PRKN: variants seen among roughly 807,000 people sequenced by gnomAD.
PRKN encodes the protein parkin RBR E3 ubiquitin protein ligase.
PRKN carries 56 observed loss-of-function variants against 59.5 expected under a neutral mutation model. The ratio of observed to expected loss-of-function variants is 0.94; its 90% CI spans 0.76 to 1.18. The LOEUF is 1.18. PRKN is among the 50% of genes most tolerant of loss of function. PRKN has a pLI of 0.00. For synonymous variants in PRKN, 250 were observed against 222.1 expected, an observed-to-expected ratio of 1.13 and a Z score of -1.12; for missense variants, 657 against 596.4, an observed-to-expected ratio of 1.10 and a Z score of -1.06.
chr6:161,433,625 A>C (rs1788749942), intron 9 of PRKN, among the ~76,000 whole-genome samples: 1 of 152,188 alleles, frequency 6.6e-6, no homozygotes, highest in Admixed American at 6.5e-5. Context: ...AGAAGAGCCC[A>C]TTCATGTGTT....
chr6:162,287,882 G>C (rs1441898573), intron 2 of PRKN, among the ~76,000 whole-genome samples: 1 of 152,074 alleles, frequency 6.6e-6, no homozygotes, highest in Non-Finnish European at 1.5e-5. Context: ...CATTTCAAAG[G>C]CTGGTCACAC....
intron 7 of PRKN, among the ~76,000 whole-genome samples, chr6:161,700,434 C>A (rs999419388): frequency 2.0e-5 from 3 of 152,122 alleles, no homozygotes; most frequent in African/African-American, 7.2e-5. Context: ...ATCAGCACTT[C>A]TCCACTCAAT....
At position 161,569,280 on chromosome 6, in the gene PRKN, C is replaced by T. The variant is rs902832228; in HGVS notation, c.933+75G>A. The T allele has an allele frequency of 4.0e-5, 55 of 1,384,362 alleles. No individual in the cohort carries two copies. In the African/African-American group the frequency reaches 7.8e-4, roughly 20 times the overall value. The allele number at this position is 1,384,362 out of a possible 1,614,324, so 85.8% of individuals were successfully genotyped here. A position where few individuals can be genotyped will look rare whatever the true frequency, so the allele number is the denominator to read the frequency against. On this transcript the variant is annotated intron_variant, in intron 8 of 11. Coordinates refer to ENST00000366898, the MANE Select transcript of PRKN (RefSeq NM_004562.3). ...GGGTCAGGAGACATACTCGGCCTCC[C>T]TGGGGAGCCCAAACTGTCTCATTAG...
chr6:162,631,382 C>G (rs1783101571), intron 1 of PRKN, among the ~76,000 whole-genome samples: 1 of 152,160 alleles, frequency 6.6e-6, no homozygotes, highest in East Asian at 1.9e-4. Flanking sequence ...AACTGCAATA[C>G]TAACTCTGCG....
intron 4 of PRKN, among the ~76,000 whole-genome samples, chr6:162,180,693 G>A (rs923904964): frequency 6.6e-6 from 1 of 152,120 alleles, no homozygotes; most frequent in Non-Finnish European, 1.5e-5. Flanking sequence ...GTTCCAATCA[G>A]GTAGTTTTCA....
chr6:161,595,236 G>A (rs1442826000), intron 7 of PRKN, among the ~76,000 whole-genome samples: 4 of 152,002 alleles, frequency 2.6e-5, no homozygotes, highest in East Asian at 1.9e-4. Flanking sequence ...GTTCAAATAC[G>A]GCAAAAAGTT....
At chr6:161,958,916 T>C (rs188088070) in intron 6 of PRKN, among the ~76,000 whole-genome samples, 81 of 151,902 alleles carry the variant, frequency 5.3e-4, no homozygotes, top group Non-Finnish European at 9.4e-4. Flanking sequence ...AAGAAAAGAA[T>C]GTGAGAGTGG....
intron 7 of PRKN, among the ~76,000 whole-genome samples, chr6:161,677,218 T>A (rs2128170925): frequency 6.6e-6 from 1 of 152,034 alleles, no homozygotes; most frequent in South Asian, 2.1e-4. Flanking sequence ...TTTTCCGATC[T>A]GGAAAAGTAG....
chr6:162,312,861 G>A (rs963371577), intron 2 of PRKN, among the ~76,000 whole-genome samples: 1 of 151,956 alleles, frequency 6.6e-6, no homozygotes, highest in Non-Finnish European at 1.5e-5. Flanking sequence ...GAACATTCAG[G>A]TTAAGAGTAT....
At chr6:161,711,761 A>G (rs768925036) in intron 7 of PRKN, among the ~76,000 whole-genome samples, 102 of 152,316 alleles carry the variant, frequency 6.7e-4, no homozygotes, top group Non-Finnish European at 7.3e-4. Flanking sequence ...AGATGGAAAG[A>G]GCAGACTGGC....
chr6:162,607,024 T>C (rs770987756), intron 1 of PRKN, among the ~76,000 whole-genome samples: 3 of 152,024 alleles, frequency 2.0e-5, no homozygotes, highest in Non-Finnish European at 4.4e-5. Flanking sequence ...GGTTATTTAT[T>C]GAAACAAAAA....
chr6:161,452,813 C>T (rs1465727506), intron 9 of PRKN, among the ~76,000 whole-genome samples: 1 of 151,868 alleles, frequency 6.6e-6, no homozygotes, highest in African/African-American at 2.4e-5. Flanking sequence ...ATTCCATAAC[C>T]CACAGGCGAG....
At chr6:162,530,472 C>T (rs1322265836) in intron 1 of PRKN, among the ~76,000 whole-genome samples, 4 of 152,116 alleles carry the variant, frequency 2.6e-5, no homozygotes, top group East Asian at 3.9e-4. Context: ...TGAGAAGTTC[C>T]GGGTTAAAGT....
chr6:162,302,963 TACACACAC>T lies in PRKN; in HGVS notation c.172-40206_172-40199del, dbSNP rs71004084. ...GGGTGAGTATTATATGCCTTAAACATACACACACACACACACACACACACACACACACA... is the reference window on the plus strand; with the variant it reads ...GGGTGAGTATTATATGCCTTAAACATACACACACACACACACACACACACA... On this transcript the variant is annotated intron_variant, in intron 2 of 11. Transcript: ENST00000366898. Among the ~76,000 whole-genome samples the T allele has an allele frequency of 4.7e-4, 66 of 139,594 alleles. 1 individual carries two copies. In the East Asian group the frequency reaches 9.5e-3, roughly 20 times the overall value. 91.6% of individuals were successfully genotyped at this position (139,594 alleles called of 152,430 possible).
At chr6:162,179,598 A>G (rs1208433055) in intron 4 of PRKN, among the ~76,000 whole-genome samples, 1 of 152,190 alleles carries the variant, frequency 6.6e-6, no homozygotes, top group African/African-American at 2.4e-5. Context: ...AAAAGGTCTA[A>G]AAGTCTGTCT....
At chr6:162,346,709 A>T (rs1272167229) in intron 2 of PRKN, among the ~76,000 whole-genome samples, 1 of 152,054 alleles carries the variant, frequency 6.6e-6, no homozygotes. Context: ...GAAATTTTTT[A>T]AAATACTTTT....
At chr6:162,120,330 G>A (rs189565043) in intron 4 of PRKN, among the ~76,000 whole-genome samples, 362 of 152,220 alleles carry the variant, frequency 2.4e-3, no homozygotes, top group African/African-American at 8.4e-3. Flanking sequence ...AAAGTATCCC[G>A]AGTTTATGAT....
chr6:162,365,142 T>TA (rs1445951242), intron 2 of PRKN, among the ~76,000 whole-genome samples: 2 of 151,948 alleles, frequency 1.3e-5, no homozygotes, highest in African/African-American at 4.8e-5. Context: ...ATCCATAATT[T>TA]AAAAAAATCA....
At chr6:161,920,842 T>A (rs1477730563) in intron 6 of PRKN, among the ~76,000 whole-genome samples, 2 of 151,960 alleles carry the variant, frequency 1.3e-5, no homozygotes, top group Non-Finnish European at 2.9e-5. Flanking sequence ...GAATGGAGCT[T>A]ACAGTACTCC....
Sources: allele counts gnomAD v4.1 joint callset (sites outside exome capture counted in the v4.1 genomes callset), GRCh38; gene constraint gnomAD v4.1.1; transcripts MANE v1.5; gene names NCBI Gene and HGNC (gene_info 2026-07-23, HGNC 2026-07-21).